TP53RK: variants seen among roughly 807,000 people sequenced by gnomAD.
TP53RK encodes the protein EKC/KEOPS complex subunit TP53RK.
In TP53RK, 17 loss-of-function variants were observed where a neutral mutation model predicts 14.9. The observed-to-expected ratio is 1.14, with a 90% confidence interval of 0.78 to 1.71. The LOEUF (loss-of-function observed/expected upper bound fraction) is 1.71. TP53RK is among the 40% of genes most tolerant of loss of function. The pLI is 0.00. For synonymous variants in TP53RK, 131 were observed against 138.0 expected (o/e 0.95, Z 0.36); for missense variants, 343 against 332.0 (o/e 1.03, Z -0.26).
rs1370609531 is a variant in TP53RK at position 46,687,256 on chromosome 20, T to C, written c.284-25A>G. 10 of 1,537,762 alleles carry C rather than the reference T, an allele frequency of 6.5e-6. No individual in the cohort carries two copies. The Admixed American group carries it at 2.1e-4, about 33-fold the overall frequency. On this transcript the variant is annotated intron_variant, in intron 1 of 1. Transcript: ENST00000372114. Reference sequence around the variant, plus strand: ...CCTGAAATCAAGACATAAGTGGTTATTGGGTTGGATTTTTTTTAACGGGTA... The same window carrying C: ...CCTGAAATCAAGACATAAGTGGTTACTGGGTTGGATTTTTTTTAACGGGTA...
rs2063177848 is a variant in TP53RK at position 46,685,750 on chromosome 20, A to C, written c.*1003T>G. On this transcript the variant is annotated 3_prime_UTR_variant, in exon 2 of 2. Coordinates refer to ENST00000372114, the MANE Select transcript of TP53RK (RefSeq NM_033550.4). Reference sequence around the variant, plus strand: ...CCAAGGAACACAAAAGGCACTCAAAATATGTTTGTTGATTGGAGTTTACAA... The same window carrying C: ...CCAAGGAACACAAAAGGCACTCAAACTATGTTTGTTGATTGGAGTTTACAA... 6.6e-6 allele frequency: 1 copy of C among 152,218 alleles called. No individual in the cohort carries two copies. The highest frequency in any genetic ancestry group is 6.5e-5 in the Admixed American group (1 of 15,280). 9.4% of individuals were successfully genotyped at this position (152,218 alleles called of 1,614,324 possible). A position where few individuals can be genotyped will look rare whatever the true frequency, so the allele number is the denominator to read the frequency against.
intron 1 of TP53RK, among the ~76,000 whole-genome samples, chr20:46,688,305 T>A (rs1600644239): frequency 6.6e-6 from 1 of 152,142 alleles, no homozygotes; most frequent in South Asian, 2.1e-4. Context: ...TGGTACCCAC[T>A]GGTACCTAAA....
chr20:46,687,182 T>C lies in TP53RK; in HGVS notation c.333A>G (p.Leu111=), dbSNP rs2063184494. The C allele has an allele frequency of 6.2e-7, 1 of 1,611,804 alleles. No individual in the cohort carries two copies. The highest frequency in any genetic ancestry group is 1.1e-5 in the South Asian group (1 of 90,852). ...VFFVDYASNC[L]YMEEIEGSVT... ...CTGAGCCTTCAATTTCTTCCATATA[T>C]AAGCAGTTGGAAGCATAGTCCACAA... is the stretch of plus-strand genomic sequence containing the variant. The change falls in exon 2 of 2, where the codon TTA becomes TTG. Residue 111 remains leucine, a synonymous_variant. Coordinates refer to ENST00000372114, the MANE Select transcript of TP53RK (RefSeq NM_033550.4).
In TP53RK at chr20:46,686,711, GA is replaced by G; in HGVS notation, c.*41del. ...TGTAGCATTTCTTCAAATTTACTTT[GA>G]AAAAAGAGCTTCACTGTGTGTGGTT... On this transcript the variant is annotated 3_prime_UTR_variant, in exon 2 of 2. Coordinates refer to ENST00000372114, the MANE Select transcript of TP53RK (RefSeq NM_033550.4). The G allele has an allele frequency of 6.6e-7, 1 of 1,504,076 alleles. No homozygotes were observed. The highest frequency in any genetic ancestry group is 9.1e-7 in the Non-Finnish European group (1 of 1,095,742). 93.2% of individuals were successfully genotyped at this position (1,504,076 alleles called of 1,614,324 possible).
chr20:46,689,016 G>C (rs2063193636), intron 1 of TP53RK, 116 bp downstream of exon 1: 1 of 1,127,666 alleles, frequency 8.9e-7, no homozygotes, highest in Non-Finnish European at 1.2e-6. Flanking sequence ...GGACACCGCA[G>C]AAGGCACAGA....
chr20:46,689,365 G>C lies in TP53RK; in HGVS notation c.50C>G (p.Pro17Arg), dbSNP rs754653569. 7 of 1,576,984 alleles carry C rather than the reference G, an allele frequency of 4.4e-6. No homozygotes were observed. Among genetic ancestry groups the C allele is most frequent in the East Asian group, 2.3e-5 (1 of 43,128 alleles). ...TTPADGEEPA[P>R]EAEALAAARE... ...GGCTGCGGCCAGAGCCTCAGCCTCC[G>C]GGGCGGGCTCCTCGCCATCGGCCGG... is the stretch of plus-strand genomic sequence containing the variant. The change falls in exon 1 of 2, where the codon CCG becomes CGG. Residue 17 changes from proline to arginine, a missense_variant. Physicochemically the swap from Pro to Arg is moderately radical, Grantham distance 103. Transcript: ENST00000372114.
rs1452553755 is a variant in TP53RK at position 46,686,096 on chromosome 20, T to C, written c.*657A>G. On this transcript the variant is annotated 3_prime_UTR_variant, in exon 2 of 2. Transcript: ENST00000372114. ...ATACAAAGCAATAAAAATAAAAACATGTTAACATGAATTTCAGTTGCCTGA... is the reference window on the plus strand; with the variant it reads ...ATACAAAGCAATAAAAATAAAAACACGTTAACATGAATTTCAGTTGCCTGA... The C allele has an allele frequency of 6.6e-6, 1 of 152,230 alleles. No homozygotes were observed. The highest frequency in any genetic ancestry group is 1.5e-5 in the Non-Finnish European group (1 of 68,034). The allele number at this position is 152,230 out of a possible 1,614,324, so 9.4% of individuals were successfully genotyped here. A position where few individuals can be genotyped will look rare whatever the true frequency, so the allele number is the denominator to read the frequency against.
chr20:46,686,064 C>A lies in TP53RK; in HGVS notation c.*689G>T, dbSNP rs553368600. On this transcript the variant is annotated 3_prime_UTR_variant, in exon 2 of 2. Transcript: ENST00000372114. ...TCAATCACTTGTCTTAGAAGGTAAC[C>A]ACAAAAATACAAAGCAATAAAAATA... 1 of 152,242 alleles carries A rather than the reference C, an allele frequency of 6.6e-6. No individual in the cohort carries two copies. Among genetic ancestry groups the A allele is most frequent in the South Asian group, 2.1e-4 (1 of 4,814 alleles). The allele number at this position is 152,242 out of a possible 1,614,324, so 9.4% of individuals were successfully genotyped here. A position where few individuals can be genotyped will look rare whatever the true frequency, so the allele number is the denominator to read the frequency against.
chr20:46,687,518 A>AAAAACAAAC (rs2063185885), intron 1 of TP53RK, among the ~76,000 whole-genome samples: 1 of 152,130 alleles, frequency 6.6e-6, no homozygotes, highest in Non-Finnish European at 1.5e-5. Context: ...TCACTCTCTA[A>AAAAACAAAC]AAAACAAACA....
chr20:46,689,406 C>A lies in TP53RK; in HGVS notation c.9G>T (p.Ala3=). Residue 3 remains alanine, a synonymous_variant, in exon 1 of 2, where the codon GCG becomes GCT. Transcript: ENST00000372114. ...CATCGGCCGGCGTAGTAGCTCTGGC[C>A]GCCGCCATGACTGCTCGGCGCAACA... MA[A]ARATTPADGE... The A allele has an allele frequency of 1.1e-5, 17 of 1,556,540 alleles. No individual in the cohort carries two copies. Among genetic ancestry groups the A allele is most frequent in the Non-Finnish European group, 1.5e-5 (17 of 1,163,000 alleles).
chr20:46,687,296 AG>A, intron 1 of TP53RK, 65 bp from the exon 2 acceptor site: 1 of 1,354,600 alleles, frequency 7.4e-7, no homozygotes, highest in Non-Finnish European at 1.0e-6. Flanking sequence ...TAATTTTCAA[AG>A]ATTAAGCCAG....
At chr20:46,687,291 T>G (rs1427601099) in intron 1 of TP53RK, 60 bp from the exon 2 acceptor site, 4 of 1,420,746 alleles carry the variant, frequency 2.8e-6, no homozygotes, top group Non-Finnish European at 3.8e-6. Context: ...AAACTTAATT[T>G]TCAAAGATTA....
chr20:46,688,819 C>T (rs1158605513), intron 1 of TP53RK, among the ~76,000 whole-genome samples: 1 of 152,188 alleles, frequency 6.6e-6, no homozygotes, highest in East Asian at 1.9e-4. Flanking sequence ...AAAATTGAAA[C>T]GAGTCAAATG....
rs748198863 is a variant in TP53RK, at chr20:46,686,993, CA to C, written c.521del (p.Leu174ArgfsTer4). 48 of 1,614,110 alleles carry C rather than the reference CA, an allele frequency of 3.0e-5. No individual in the cohort carries two copies. The highest frequency in any genetic ancestry group is 1.8e-4 in the South Asian group (16 of 91,068). The stretch of plus-strand genomic sequence containing the variant: ...CTATGAGCACAATGTTCAGCTGTTC[CA>C]GGGGGGGTTTCAGGAGCATGTTGGA... ...TTSNMLLKPP[L>X]EQLNIVLIDF... is the part of the protein sequence containing the mutation. On this transcript the variant is annotated frameshift_variant, in exon 2 of 2. Coordinates refer to ENST00000372114, the MANE Select transcript of TP53RK (RefSeq NM_033550.4). LOFTEE classifies it high-confidence loss of function.
intron 1 of TP53RK, 34 bp downstream of exon 1, chr20:46,689,098 G>C: frequency 7.3e-7 from 1 of 1,360,934 alleles, no homozygotes. Context: ...CAGAGCCTCG[G>C]GGCCGCCCAC....
chr20:46,686,800 AT>A lies in TP53RK; in HGVS notation c.714del (p.Lys238AsnfsTer2). On this transcript the variant is annotated frameshift_variant, in exon 2 of 2. Transcript: ENST00000372114. LOFTEE classifies it high-confidence loss of function. The stretch of plus-strand genomic sequence containing the variant: ...CTTCCTCTCAGGCGCACTTCATCTA[AT>A]TTTTTTAGCACTGGCCTGGCCTTTT... ...SSKKARPVLK[K>X]LDEVRLRGRK... 1 of 1,614,070 alleles carries A rather than the reference AT, an allele frequency of 6.2e-7. No homozygotes were observed. The highest frequency in any genetic ancestry group is 8.5e-7 in the Non-Finnish European group (1 of 1,179,998).
chr20:46,689,172 C>T lies in TP53RK; in HGVS notation c.243G>A (p.Thr81=), dbSNP rs577454149. The T allele has an allele frequency of 1.2e-5, 18 of 1,512,180 alleles. No individual in the cohort carries two copies. In the East Asian group the frequency reaches 4.0e-4, roughly 34 times the overall value. 93.7% of individuals were successfully genotyped at this position (1,512,180 alleles called of 1,614,324 possible). The change falls in exon 1 of 2, where the codon ACG becomes ACA. Residue 81 remains threonine (T), a synonymous_variant. Coordinates refer to ENST00000372114, the MANE Select transcript of TP53RK (RefSeq NM_033550.4). ...GGAGGAGCGCCCGGGCCTCCTGCACCGTCCGCCGTCTGCCAAGCCGCGCCT... is the reference window on the plus strand; with the variant it reads ...GGAGGAGCGCCCGGGCCTCCTGCACTGTCCGCCGTCTGCCAAGCCGCGCCT... ...ALEARLGRRR[T]VQEARALLRC...
rs2063184245 is a variant in TP53RK at position 46,687,159 on chromosome 20, G to A, written c.356C>T (p.Ser119Leu). 1.2e-6 allele frequency: 2 copies of A among 1,613,820 alleles called. No individual in the cohort carries two copies. Among genetic ancestry groups the A allele is most frequent in the Non-Finnish European group, 1.7e-6 (2 of 1,179,902 alleles). Residue 119 changes from serine (S) to leucine (L), a missense_variant, in exon 2 of 2, where the codon TCA (serine) becomes TTA (leucine). Transcript: ENST00000372114. ...CTGAATATAATCTCGAACAGTCACT[G>A]AGCCTTCAATTTCTTCCATATATAA... The part of the protein sequence containing the change: ...NCLYMEEIEG[S>L]VTVRDYIQST...
At position 46,686,665 on chromosome 20, in the gene TP53RK, AC is replaced by A; in HGVS notation, c.*87del. On this transcript the variant is annotated 3_prime_UTR_variant, in exon 2 of 2. Coordinates refer to ENST00000372114, the MANE Select transcript of TP53RK (RefSeq NM_033550.4). Reference sequence around the variant, plus strand: ...CACTTAAAAATATCTTAACACCTTTACTTAGATCTCATCTCATACTTGTAGC... The same window carrying A: ...CACTTAAAAATATCTTAACACCTTTATTAGATCTCATCTCATACTTGTAGC... 1 of 1,089,274 alleles carries A rather than the reference AC, an allele frequency of 9.2e-7. No individual in the cohort carries two copies. Among genetic ancestry groups the A allele is most frequent in the Non-Finnish European group, 1.4e-6 (1 of 736,322 alleles). 67.5% of individuals were successfully genotyped at this position (1,089,274 alleles called of 1,614,324 possible).
Sources: allele counts gnomAD v4.1 joint callset (sites outside exome capture counted in the v4.1 genomes callset), GRCh38; gene constraint gnomAD v4.1.1; transcripts MANE v1.5; gene names NCBI Gene and HGNC (gene_info 2026-07-23, HGNC 2026-07-21).